The following GABRB2 variants were observed in gnomAD, a reference collection of about 807,000 sequenced individuals.
The protein encoded by GABRB2 is gamma-aminobutyric acid receptor subunit beta-2.
A neutral mutation model predicts 54.7 loss-of-function variants in GABRB2; 16 were observed. The ratio of observed to expected loss-of-function variants is 0.29; its 90% CI spans 0.20 to 0.44. GABRB2 has a LOEUF of 0.44. Among genes scored for constraint, GABRB2 ranks in the 20% least tolerant of loss-of-function variants. The pLI is 1.00. For synonymous variants in GABRB2, 244 were observed against 233.8 expected (o/e 1.04, Z -0.40); for missense variants, 355 against 644.0 (o/e 0.55, Z 4.86).
chr5:161,515,937 T>C (rs1759930289), intron 3 of GABRB2, among the ~76,000 whole-genome samples: 1 of 152,170 alleles, frequency 6.6e-6, no homozygotes, highest in Non-Finnish European at 1.5e-5. Context: ...TAACCTGACA[T>C]GCAAAAGTCA....
intron 5 of GABRB2, among the ~76,000 whole-genome samples, chr5:161,337,786 C>T (rs920049334): frequency 6.6e-6 from 1 of 151,760 alleles, no homozygotes; most frequent in Non-Finnish European, 1.5e-5. Flanking sequence ...ATTCACCCAC[C>T]CTCCAAAAAA....
chr5:161,545,179 C>T (rs1230476970), intron 3 of GABRB2, 48 bp downstream of exon 3: 5 of 1,477,044 alleles, frequency 3.4e-6, no homozygotes, highest in Non-Finnish European at 9.3e-7. Flanking sequence ...TCCTTCCTGT[C>T]CCCAAACGAA....
chr5:161,450,420 C>T (rs1757758315), intron 4 of GABRB2, among the ~76,000 whole-genome samples: 1 of 152,060 alleles, frequency 6.6e-6, no homozygotes, highest in Admixed American at 6.6e-5. Context: ...ACAAAATGAG[C>T]CCTGGATTAT....
chr5:161,491,059 C>A (rs1045733324), intron 3 of GABRB2, among the ~76,000 whole-genome samples: 1 of 151,552 alleles, frequency 6.6e-6, no homozygotes, highest in African/African-American at 2.4e-5. Context: ...ATAAAGCCAG[C>A]ATTATAAAAT....
chr5:161,330,026 C>T (rs1753783839), intron 8 of GABRB2: 1 of 152,096 alleles, frequency 6.6e-6, no homozygotes, highest in South Asian at 2.1e-4. Flanking sequence ...ACTTGGGGAA[C>T]TTTTTAAAAT....
At chr5:161,359,440 GACACAC>G (rs57251440) in intron 5 of GABRB2, among the ~76,000 whole-genome samples, 2 of 147,812 alleles carry the variant, frequency 1.4e-5, no homozygotes, top group African/African-American at 2.5e-5. Flanking sequence ...AATTGCATCT[GACACAC>G]ACACACACAC....
chr5:161,496,477 T>C (rs931103723), intron 3 of GABRB2, among the ~76,000 whole-genome samples: 7 of 151,754 alleles, frequency 4.6e-5, no homozygotes, highest in Admixed American at 1.3e-4. Context: ...GATAAATATA[T>C]AGTTATCTGT....
intron 3 of GABRB2, among the ~76,000 whole-genome samples, chr5:161,488,929 A>AT (rs1194625028): frequency 2.0e-5 from 3 of 151,748 alleles, no homozygotes; most frequent in African/African-American, 7.2e-5. Context: ...AAAGATCATG[A>AT]TTTTTTACAT....
Position 161,418,046 on chromosome 5 carries a change from CTT to C in GABRB2, c.459-6991_459-6990del, listed in dbSNP as rs539208848. 5.2e-3 allele frequency among the ~76,000 whole-genome samples: 790 copies of C among 152,266 alleles called. 9 individuals carry two copies. Among genetic ancestry groups the C allele is most frequent in the Middle Eastern group, 0.01 (3 of 294 alleles). On this transcript the variant is annotated intron_variant, in intron 4 of 9. Transcript: ENST00000393959. ...TGCAGCTGTTTGGCCTTCTGTGACT[CTT>C]TCATTTTCTGGAATCTTATCCTCTG...
At chr5:161,317,655 A>G (rs1188573373) in intron 9 of GABRB2, among the ~76,000 whole-genome samples, 1 of 152,316 alleles carries the variant, frequency 6.6e-6, no homozygotes, top group East Asian at 1.9e-4. Context: ...GAATAAGTAC[A>G]TGGACAATTT....
intron 5 of GABRB2, among the ~76,000 whole-genome samples, chr5:161,344,886 C>A (rs912672489): frequency 1.3e-5 from 2 of 152,032 alleles, no homozygotes; most frequent in African/African-American, 4.8e-5. Flanking sequence ...GAGTTCATGT[C>A]CTTTGCAGGG....
chr5:161,329,750 G>C (rs975787284), intron 8 of GABRB2: 33 of 152,162 alleles, frequency 2.2e-4, no homozygotes, highest in African/African-American at 7.7e-4. Context: ...CCATCATGAT[G>C]AACTATTTAT....
At chr5:161,478,771 C>T (rs920514661) in intron 3 of GABRB2, among the ~76,000 whole-genome samples, 2 of 151,950 alleles carry the variant, frequency 1.3e-5, no homozygotes, top group Non-Finnish European at 2.9e-5. Context: ...GGGTCCATCC[C>T]ATCTTAACTG....
intron 3 of GABRB2, among the ~76,000 whole-genome samples, chr5:161,508,832 A>G (rs969328703): frequency 2.0e-5 from 3 of 152,144 alleles, no homozygotes; most frequent in East Asian, 1.9e-4. Context: ...TCACATAGAT[A>G]CTATTCTTCG....
At chr5:161,440,359 T>C (rs1478340793) in intron 4 of GABRB2, among the ~76,000 whole-genome samples, 7 of 152,032 alleles carry the variant, frequency 4.6e-5, no homozygotes, top group African/African-American at 1.7e-4. Flanking sequence ...ACTTCAACTA[T>C]AAAGACACAT....
At chr5:161,529,808 G>T (rs769202250) in intron 3 of GABRB2, among the ~76,000 whole-genome samples, 1 of 151,984 alleles carries the variant, frequency 6.6e-6, no homozygotes, top group African/African-American at 2.4e-5. Flanking sequence ...AGAACAGAGA[G>T]AATTTACATG....
chr5:161,423,846 A>T (rs979779917), intron 4 of GABRB2, among the ~76,000 whole-genome samples: 3 of 152,182 alleles, frequency 2.0e-5, no homozygotes, highest in African/African-American at 7.2e-5. Flanking sequence ...GCAAAACAAA[A>T]GTTCCTGAAG....
At chr5:161,473,800 G>T (rs1159540725) in intron 3 of GABRB2, among the ~76,000 whole-genome samples, 1 of 151,946 alleles carries the variant, frequency 6.6e-6, no homozygotes, top group Non-Finnish European at 1.5e-5. Context: ...AGTATTTGCT[G>T]ACTTTTTAAG....
chr5:161,431,319 T>C (rs1174332592), intron 4 of GABRB2, among the ~76,000 whole-genome samples: 3 of 152,152 alleles, frequency 2.0e-5, no homozygotes, highest in Non-Finnish European at 2.9e-5. Context: ...TTTAATACTC[T>C]GAGTGAGGTC....
Sources: gnomAD v4.1 joint callset for allele counts (sites outside exome capture counted in the v4.1 genomes callset) on GRCh38, gnomAD v4.1.1 for gene constraint, MANE v1.5 for transcripts, NCBI Gene and HGNC (gene_info 2026-07-23, HGNC 2026-07-21) for gene names.